Variants in C5 observed in about 807,000 individuals in gnomAD.
C5 encodes the protein C3 and PZP-like alpha-2-macroglobulin domain-containing protein 4.
A neutral mutation model predicts 218.8 loss-of-function variants in C5; 140 were observed. The observed-to-expected ratio is 0.64, with a 90% CI of 0.56 to 0.74. The LOEUF (loss-of-function observed/expected upper bound fraction) is 0.74, where lower values mean the gene tolerates loss of function less well. Among genes scored for constraint, C5 ranks in the 30% least tolerant of loss-of-function variants. C5 has a pLI of 0.00. For synonymous variants in C5, 614 were observed against 682.3 expected, an observed-to-expected ratio of 0.90 and a Z score of 1.56; for missense variants, 1,700 against 1,969.6, an observed-to-expected ratio of 0.86 and a Z score of 2.59.
At chr9:121,043,257 C>T (rs1457886539) in intron 2 of C5, 91 bp from the exon 3 acceptor site, 3 of 1,050,432 alleles carry the variant, frequency 2.9e-6, no homozygotes, top group Non-Finnish European at 4.3e-6. Context: ...CTCATTAGAA[C>T]AATCAGTATG....
the C5 span, among the ~76,000 whole-genome samples, chr9:121,056,778 G>A: frequency 6.6e-6 from 1 of 152,096 alleles, no homozygotes; most frequent in South Asian, 2.1e-4. Context: ...TAAAGGGGAT[G>A]TAGAGAGAGA....
intron 3 of C5, among the ~76,000 whole-genome samples, chr9:121,040,419 T>G (rs2047567656): frequency 6.6e-6 from 1 of 152,150 alleles, no homozygotes; most frequent in Non-Finnish European, 1.5e-5. Flanking sequence ...CTAAAGTCAT[T>G]TATCCAGTAA....
Position 121,046,293 on chromosome 9 carries a change from TG to T in C5, c.155del (p.Ala52GlufsTer34). 1.9e-6 allele frequency: 3 copies of T among 1,608,304 alleles called. No homozygotes were observed. The highest frequency in any genetic ancestry group is 2.6e-6 in the Non-Finnish European group (3 of 1,174,958). On this transcript the variant is annotated frameshift_variant, in exon 2 of 41. Transcript: ENST00000223642. LOFTEE classifies it high-confidence loss of function. The stretch of plus-strand genomic sequence containing the variant: ...CAGGATAACTTTTAATAGAGATTGT[TG>T]CATCAAATGCTTCAGTGTATCCATA... ...QVYGYTEAFD[A>X]TISIKSYPDK...
At position 121,043,700 on chromosome 9, in the gene C5, C is replaced by CTTTT. The variant is rs34794535; in HGVS notation, c.259-538_259-535dup. 3.1e-3 allele frequency among the ~76,000 whole-genome samples: 379 copies of CTTTT among 120,632 alleles called. 6 individuals carry two copies. The highest frequency in any genetic ancestry group is 9.3e-3 in the Middle Eastern group (2 of 216). 79.1% of individuals were successfully genotyped at this position (120,632 alleles called of 152,430 possible). ...GGTGTGCGCCACCATGTCCAGCTAA[C>CTTTT]TTTTTTTTTTTTTTTTTTTTGTATT... On this transcript the variant is annotated intron_variant, in intron 2 of 40. Transcript: ENST00000223642.
the C5 span, among the ~76,000 whole-genome samples, chr9:121,064,404 T>G: frequency 6.6e-6 from 1 of 152,298 alleles, no homozygotes; most frequent in East Asian, 1.9e-4. Flanking sequence ...TTTGTTAACT[T>G]TCATATTGAA....
chr9:121,043,314 A>G, intron 2 of C5, 148 bp from the exon 3 acceptor site: 1 of 714,724 alleles, frequency 1.4e-6, no homozygotes, highest in Non-Finnish European at 2.3e-6. Flanking sequence ...AAGAGTAAAT[A>G]AATTTTGCCC....
chr9:121,023,554 T>C, intron 9 of C5, 35 bp from the exon 10 acceptor site: 1 of 1,215,992 alleles, frequency 8.2e-7, no homozygotes, highest in Non-Finnish European at 1.2e-6. Flanking sequence ...TGACAGTTTT[T>C]AGGAGTATCA....
At chr9:120,965,788 A>C (rs1038352858) in intron 33 of C5, among the ~76,000 whole-genome samples, 2 of 152,294 alleles carry the variant, frequency 1.3e-5, no homozygotes, top group South Asian at 2.1e-4. Context: ...TGTCAGCAGG[A>C]TGGAAAAGGG....
intron 34 of C5, 95 bp downstream of exon 34, chr9:120,963,541 T>G: frequency 1.1e-6 from 1 of 870,304 alleles, no homozygotes. Context: ...TCTATAAAAG[T>G]GGTATATTCA....
At chr9:120,966,951 A>G (rs2046872927) in intron 33 of C5, among the ~76,000 whole-genome samples, 1 of 151,992 alleles carries the variant, frequency 6.6e-6, no homozygotes, top group South Asian at 2.1e-4. Flanking sequence ...GTGGTCTTAG[A>G]TTACACTGAT....
chr9:120,960,406 C>T (rs2046818402), intron 37 of C5, 69 bp from the exon 38 acceptor site: 1 of 1,024,426 alleles, frequency 9.8e-7, no homozygotes, highest in Admixed American at 1.7e-5. Flanking sequence ...CAGGAGTAAA[C>T]ACGGTTTCTC....
intron 22 of C5, among the ~76,000 whole-genome samples, chr9:120,992,196 G>A (rs1587965120): frequency 6.6e-6 from 1 of 152,204 alleles, no homozygotes. Flanking sequence ...CAATTTAATG[G>A]ACAAGCCACA....
chr9:121,036,240 G>A (rs1269272351), intron 4 of C5, among the ~76,000 whole-genome samples: 1 of 151,892 alleles, frequency 6.6e-6, no homozygotes, highest in African/African-American at 2.4e-5. Context: ...CTTCTTCATC[G>A]CACTATCCAT....
intron 10 of C5, among the ~76,000 whole-genome samples, chr9:121,022,661 T>C (rs2047376405): frequency 6.7e-6 from 1 of 149,952 alleles, no homozygotes; most frequent in South Asian, 2.1e-4. Context: ...TTGCTCTGGA[T>C]TTCTAAATTA....
chr9:120,981,679 T>C (rs1008150790), intron 27 of C5, among the ~76,000 whole-genome samples, 165 bp downstream of exon 27: 1 of 152,240 alleles, frequency 6.6e-6, no homozygotes, highest in Non-Finnish European at 1.5e-5. Flanking sequence ...CTCTAATATC[T>C]ATCATTGTTC....
At chr9:121,031,925 A>G (rs532058994) in intron 6 of C5, among the ~76,000 whole-genome samples, 188 bp downstream of exon 6, 27 of 152,152 alleles carry the variant, frequency 1.8e-4, no homozygotes, top group Non-Finnish European at 3.7e-4. Flanking sequence ...TTAGCCGGCT[A>G]TGGTGGTTGG....
the C5 span, among the ~76,000 whole-genome samples, chr9:121,063,104 A>G: frequency 2.0e-5 from 3 of 150,346 alleles, no homozygotes; most frequent in East Asian, 5.8e-4. Flanking sequence ...AACTCTCTTC[A>G]TGCATATGTT....
At chr9:120,957,422 A>G in intron 38 of C5, 54 bp from the exon 39 acceptor site, 1 of 1,336,458 alleles carries the variant, frequency 7.5e-7, no homozygotes, top group South Asian at 1.2e-5. Context: ...TATTAATGCT[A>G]TGTCCAGTAG....
intron 8 of C5, among the ~76,000 whole-genome samples, chr9:121,026,881 G>T (rs2047428607): frequency 6.6e-6 from 1 of 152,088 alleles, no homozygotes; most frequent in Non-Finnish European, 1.5e-5. Context: ...AAATGATATT[G>T]TAAAGACCTG....
Sources: gnomAD v4.1 joint callset for allele counts (sites outside exome capture counted in the v4.1 genomes callset) on GRCh38, gnomAD v4.1.1 for gene constraint, MANE v1.5 for transcripts, NCBI Gene and HGNC (gene_info 2026-07-23, HGNC 2026-07-21) for gene names.